HMCN1: variants seen among roughly 807,000 people sequenced by gnomAD.
HMCN1 encodes hemicentin 1, also known as hemicentin-1.
Under a neutral mutation model 625.9 loss-of-function variants are expected in HMCN1, and 321 were observed. The observed-to-expected ratio is 0.51, with a 90% CI of 0.47 to 0.56. The LOEUF (loss-of-function observed/expected upper bound fraction) is 0.56, where lower values mean the gene tolerates loss of function less well. Ranked by LOEUF, HMCN1 falls within the 20% of genes least tolerant of loss-of-function variation. The pLI is 0.00. For synonymous variants in HMCN1, 2,425 were observed against 2,417.6 expected, an observed-to-expected ratio of 1.00 and a Z score of -0.09; for missense variants, 6,588 against 6,887.3, an observed-to-expected ratio of 0.96 and a Z score of 1.54.
intron 1 of HMCN1, among the ~76,000 whole-genome samples, chr1:185,758,412 G>A (rs1053066390): frequency 2.0e-5 from 3 of 152,176 alleles, no homozygotes; most frequent in Admixed American, 6.5e-5. Flanking sequence ...AAGGTGGGTG[G>A]CTTACTTGAG....
chr1:185,755,472 A>T, intron 1 of HMCN1, among the ~76,000 whole-genome samples: 1 of 152,180 alleles, frequency 6.6e-6, no homozygotes. Flanking sequence ...GCTGTCTTTC[A>T]CTGGTTTTCC....
chr1:186,171,483 C>T, intron 101 of HMCN1, 33 bp downstream of exon 101: 1 of 1,437,966 alleles, frequency 7.0e-7, no homozygotes, highest in Admixed American at 1.7e-5. Flanking sequence ...AAAGGAATGA[C>T]ACCTCTATAA....
intron 11 of HMCN1, among the ~76,000 whole-genome samples, chr1:185,961,537 ATTAAT>A (rs1432146917): frequency 1.3e-5 from 2 of 152,190 alleles, no homozygotes; most frequent in Admixed American, 6.5e-5. Context: ...AACACTGGAA[ATTAAT>A]TTACTTTTGT....
At chr1:185,819,112 C>T (rs958395814) in intron 1 of HMCN1, among the ~76,000 whole-genome samples, 1 of 151,804 alleles carries the variant, frequency 6.6e-6, no homozygotes, top group African/African-American at 2.4e-5. Context: ...TGGTGGGTGC[C>T]TGTAATTCCA....
chr1:185,865,991 T>C (rs1663168464), intron 4 of HMCN1, 128 bp downstream of exon 4: 1 of 815,430 alleles, frequency 1.2e-6, no homozygotes, highest in African/African-American at 1.7e-5. Flanking sequence ...AAGGCCACAG[T>C]TCAATAAAGG....
intron 89 of HMCN1, among the ~76,000 whole-genome samples, chr1:186,138,557 C>A (rs1649766992): frequency 6.6e-6 from 1 of 152,142 alleles, no homozygotes; most frequent in Non-Finnish European, 1.5e-5. Context: ...CTTTTACTAG[C>A]ATGTTTTCCA....
intron 1 of HMCN1, among the ~76,000 whole-genome samples, chr1:185,759,326 G>A (rs1363810900): frequency 6.6e-6 from 1 of 152,136 alleles, no homozygotes; most frequent in African/African-American, 2.4e-5. Flanking sequence ...TTCCTGTGAT[G>A]TTTCCTGGAA....
chr1:185,821,402 G>A (rs1426222247), intron 1 of HMCN1, among the ~76,000 whole-genome samples: 1 of 152,060 alleles, frequency 6.6e-6, no homozygotes, highest in Admixed American at 6.6e-5. Flanking sequence ...GAAAGGTTTA[G>A]GAAACTCATA....
At chr1:185,759,595 G>T (rs1022281663) in intron 1 of HMCN1, among the ~76,000 whole-genome samples, 3 of 152,078 alleles carry the variant, frequency 2.0e-5, no homozygotes, top group Non-Finnish European at 4.4e-5. Context: ...GTAATATTTT[G>T]ACCTAAATTT....
Position 186,088,671 on chromosome 1 carries a change from C to G in HMCN1, c.9643C>G (p.Gln3215Glu). The G allele has an allele frequency of 6.2e-7, 1 of 1,611,984 alleles. No homozygotes were observed. Among genetic ancestry groups the G allele is most frequent in the Non-Finnish European group, 8.5e-7 (1 of 1,178,848 alleles). Residue 3215 changes from glutamine (Q) to glutamate (E), a missense_variant, in exon 63 of 107, where the codon CAG becomes GAG. Transcript: ENST00000271588. ...TAGCAAACTCCAGATTGCCCGGTCT[C>G]AGCATTCAGATAGTGGAAACTATAC... ...GGSKLQIARS[Q>E]HSDSGNYTCI...
Position 185,782,890 on chromosome 1 carries a change from T to C in HMCN1, c.268+47843T>C, listed in dbSNP as rs371871079. Among the ~76,000 whole-genome samples the C allele has an allele frequency of 8.0e-3, 1,210 of 152,016 alleles. 9 individuals carry two copies. The highest frequency in any genetic ancestry group is 0.025 in the African/African-American group (1,050 of 41,304). On this transcript the variant is annotated intron_variant, in intron 1 of 106. Transcript: ENST00000271588. ...TGTATTTCCTGAATTTGAATGTTGG[T>C]CTGCTTTGCTAGGTTGGGGAAGTTC...
intron 42 of HMCN1, among the ~76,000 whole-genome samples, chr1:186,052,200 C>G (rs1300579515): frequency 6.6e-6 from 1 of 151,858 alleles, no homozygotes; most frequent in Non-Finnish European, 1.5e-5. Context: ...GGAATAGAGG[C>G]TTTTACATGG....
At chr1:185,953,775 C>T (rs987870554) in intron 11 of HMCN1, among the ~76,000 whole-genome samples, 3 of 151,790 alleles carry the variant, frequency 2.0e-5, no homozygotes, top group African/African-American at 4.9e-5. Context: ...CATGCGCATC[C>T]GTGTGAAGAG....
rs1418665786 is a variant in HMCN1, at chr1:186,122,966, G to T, written c.12245G>T (p.Ser4082Ile). Residue 4082 changes from serine (S) to isoleucine (I), a missense_variant, in exon 81 of 107, where the codon AGC becomes ATC. By Grantham distance (142) the Ser-to-Ile change is moderately radical. Around this residue, in one of 3 missense-constraint regions of HMCN1, gnomAD observed 1,954 missense variants for 2,013.1 expected, o/e 0.97. Coordinates refer to ENST00000271588, the MANE Select transcript of HMCN1 (RefSeq NM_031935.3). Reference sequence around the variant, plus strand: ...TATATTTTAGTTCCTCCAGTCATTAGCCCTCATCTAAAGGAATATGTTATT... The same window carrying T: ...TATATTTTAGTTCCTCCAGTCATTATCCCTCATCTAAAGGAATATGTTATT... ...KLNVQVPPVI[S>I]PHLKEYVIAV... The T allele has an allele frequency of 1.9e-6, 3 of 1,613,832 alleles. No individual in the cohort carries two copies. The South Asian group carries it at 3.3e-5, about 18-fold the overall frequency.
intron 1 of HMCN1, among the ~76,000 whole-genome samples, chr1:185,797,236 A>G (rs1188134031): frequency 1.3e-5 from 2 of 151,994 alleles, no homozygotes; most frequent in African/African-American, 4.8e-5. Flanking sequence ...TAGATTCTGG[A>G]TATTAGTCCT....
intron 104 of HMCN1, among the ~76,000 whole-genome samples, chr1:186,179,462 T>C (rs1652804098): frequency 6.6e-6 from 1 of 151,912 alleles, no homozygotes; most frequent in Non-Finnish European, 1.5e-5. Context: ...AACATTACCA[T>C]CTGTCACTCA....
chr1:185,842,097 T>G (rs1661510351), intron 1 of HMCN1, among the ~76,000 whole-genome samples: 1 of 152,224 alleles, frequency 6.6e-6, no homozygotes, highest in African/African-American at 2.4e-5. Flanking sequence ...TACGCTACCT[T>G]TTCCACACTT....
intron 56 of HMCN1, among the ~76,000 whole-genome samples, chr1:186,081,903 T>C (rs534528933): frequency 1.3e-5 from 2 of 152,340 alleles, no homozygotes; most frequent in South Asian, 4.1e-4. Context: ...ACCAATTCTT[T>C]TGTTAGGATA....
chr1:185,773,079 C>T (rs1029069250), intron 1 of HMCN1, among the ~76,000 whole-genome samples: 4 of 152,116 alleles, frequency 2.6e-5, no homozygotes, highest in Admixed American at 2.0e-4. Flanking sequence ...ACAGCAATGA[C>T]CCTCATTTAT....
Sources: allele counts gnomAD v4.1 joint callset (sites outside exome capture counted in the v4.1 genomes callset), GRCh38; gene constraint gnomAD v4.1.1; regional missense constraint gnomAD v4.1.1; transcripts MANE v1.5; gene names NCBI Gene and HGNC (gene_info 2026-07-23, HGNC 2026-07-21).